Variants in ANGPT1 observed in about 807,000 individuals in gnomAD.
The protein encoded by ANGPT1 is angiopoietin-1.
ANGPT1 carries 17 observed loss-of-function variants against 62.2 expected under a neutral mutation model. The ratio of observed to expected loss-of-function variants is 0.27; its 90% CI spans 0.19 to 0.41. The LOEUF (loss-of-function observed/expected upper bound fraction) is 0.41, where lower values mean the gene tolerates loss of function less well. ANGPT1 is among the 10% of genes least tolerant of loss of function. The probability of loss-of-function intolerance (pLI) is 1.00; values close to 1 mark genes in which losing one functional copy is unlikely to be tolerated. For synonymous variants in ANGPT1, 199 were observed against 198.9 expected, an observed-to-expected ratio of 1.00 and a Z score of 0.00; for missense variants, 478 against 594.9, an observed-to-expected ratio of 0.80 and a Z score of 2.04.
At chr8:107,261,148 G>C (rs1813481161) in intron 8 of ANGPT1, among the ~76,000 whole-genome samples, 1 of 152,046 alleles carries the variant, frequency 6.6e-6, no homozygotes, top group Admixed American at 6.6e-5. Context: ...GCAGGAAACT[G>C]AAAAATCAAA....
intron 3 of ANGPT1, among the ~76,000 whole-genome samples, chr8:107,334,105 T>C (rs1189254040): frequency 6.6e-6 from 1 of 151,678 alleles, no homozygotes; most frequent in Non-Finnish European, 1.5e-5. Context: ...AAGTGGTGCA[T>C]AAGGATGGCA....
At chr8:107,265,529 G>A (rs1813592649) in intron 7 of ANGPT1, among the ~76,000 whole-genome samples, 1 of 152,156 alleles carries the variant, frequency 6.6e-6, no homozygotes, top group Non-Finnish European at 1.5e-5. Context: ...ACAGCTTGAA[G>A]CTCAAGGTGT....
chr8:107,475,244 CCA>C (rs1812485888), intron 1 of ANGPT1, among the ~76,000 whole-genome samples: 1 of 151,666 alleles, frequency 6.6e-6, no homozygotes, highest in African/African-American at 2.4e-5. Context: ...GAGATATAGG[CCA>C]ATGGAACAGA....
At chr8:107,301,719 C>G (rs560014212) in intron 5 of ANGPT1, among the ~76,000 whole-genome samples, 7 of 152,030 alleles carry the variant, frequency 4.6e-5, no homozygotes, top group South Asian at 2.1e-4. Context: ...GTGCCCACTC[C>G]ACTCCTACAT....
At position 107,423,886 on chromosome 8, in the gene ANGPT1, G is replaced by T. The variant is rs180696447; in HGVS notation, c.297+73376C>A. Among the ~76,000 whole-genome samples the T allele has an allele frequency of 4.6e-3, 630 of 138,218 alleles. 13 individuals are homozygous for T. The highest frequency in any genetic ancestry group is 0.038 in the Admixed American group (492 of 12,954). 90.7% of individuals were successfully genotyped at this position (138,218 alleles called of 152,430 possible). A position where few individuals can be genotyped will look rare whatever the true frequency, so the allele number is the denominator to read the frequency against. On this transcript the variant is annotated intron_variant, in intron 1 of 8. Transcript: ENST00000517746. ...GACAGAGTCTTGCTCTGTCACCCAG[G>T]CTGGAGTGCAGTGGCACAATGTTGG...
At chr8:107,417,212 A>T (rs1202423028) in intron 1 of ANGPT1, among the ~76,000 whole-genome samples, 1 of 152,174 alleles carries the variant, frequency 6.6e-6, no homozygotes, top group Non-Finnish European at 1.5e-5. Context: ...ATAAAAACCT[A>T]TATGTATGTG....
intron 8 of ANGPT1, among the ~76,000 whole-genome samples, chr8:107,262,564 A>G (rs919749442): frequency 9.9e-5 from 15 of 152,248 alleles, no homozygotes; most frequent in African/African-American, 3.4e-4. Flanking sequence ...CATGTGCAGA[A>G]ACACGTAATA....
intron 8 of ANGPT1, among the ~76,000 whole-genome samples, chr8:107,253,858 T>C (rs1813299565): frequency 6.6e-6 from 1 of 152,148 alleles, no homozygotes. Context: ...GGTAAATTGA[T>C]CTTGTGTAGC....
At chr8:107,487,089 C>T (rs1812833247) in intron 1 of ANGPT1, among the ~76,000 whole-genome samples, 1 of 152,094 alleles carries the variant, frequency 6.6e-6, no homozygotes, top group African/African-American at 2.4e-5. Flanking sequence ...CTATAGTCCC[C>T]CGTCCCTCAC....
chr8:107,362,863 A>G (rs1816194448), intron 1 of ANGPT1, among the ~76,000 whole-genome samples: 1 of 152,206 alleles, frequency 6.6e-6, no homozygotes. Flanking sequence ...AGGCTTACCC[A>G]GCTTGTCTAG....
chr8:107,308,230 A>G (rs1436813509), intron 4 of ANGPT1, among the ~76,000 whole-genome samples: 11 of 152,264 alleles, frequency 7.2e-5, no homozygotes, highest in African/African-American at 2.6e-4. Context: ...TATACCCATG[A>G]TTAGTAACTT....
chr8:107,438,802 A>G (rs984255447), intron 1 of ANGPT1, among the ~76,000 whole-genome samples: 2 of 152,140 alleles, frequency 1.3e-5, no homozygotes, highest in African/African-American at 4.8e-5. Flanking sequence ...TGAGCATCCA[A>G]AAATATTTTT....
chr8:107,285,607 T>TGGGGGAAGTCAA (rs1268578578), intron 6 of ANGPT1, among the ~76,000 whole-genome samples: 1 of 152,060 alleles, frequency 6.6e-6, no homozygotes, highest in African/African-American at 2.4e-5. Flanking sequence ...TTGTTCTCTT[T>TGGGGGAAGTCAA]GGGGGAAGTC....
chr8:107,367,491 A>ATAT (rs1816299610), intron 1 of ANGPT1, among the ~76,000 whole-genome samples: 2 of 152,064 alleles, frequency 1.3e-5, no homozygotes, highest in Non-Finnish European at 2.9e-5. Flanking sequence ...TAAAACAGTG[A>ATAT]AGTTATCCAT....
chr8:107,293,195 C>CAG (rs1814320734), intron 6 of ANGPT1, among the ~76,000 whole-genome samples: 1 of 103,538 alleles, frequency 9.7e-6, no homozygotes, highest in Admixed American at 1.1e-4. Flanking sequence ...AAGAGAAGAA[C>CAG]TGTGATGATG....
intron 1 of ANGPT1, among the ~76,000 whole-genome samples, chr8:107,396,743 G>C (rs925357940): frequency 6.6e-6 from 1 of 151,714 alleles, no homozygotes; most frequent in African/African-American, 2.4e-5. Flanking sequence ...GGCTGGTCTT[G>C]AACTCCTGGC....
intron 6 of ANGPT1, among the ~76,000 whole-genome samples, chr8:107,289,421 T>C (rs1418659773): frequency 1.3e-5 from 2 of 152,162 alleles, no homozygotes; most frequent in African/African-American, 4.8e-5. Context: ...TGAAGTAAAA[T>C]TGAAACCAGA....
At chr8:107,289,263 G>A (rs1396898057) in intron 6 of ANGPT1, among the ~76,000 whole-genome samples, 1 of 152,082 alleles carries the variant, frequency 6.6e-6, no homozygotes, top group Non-Finnish European at 1.5e-5. Context: ...CACATGCAAA[G>A]GAAAGATCAA....
intron 1 of ANGPT1, among the ~76,000 whole-genome samples, chr8:107,419,082 C>A (rs1021320648): frequency 6.6e-6 from 1 of 152,186 alleles, no homozygotes; most frequent in Non-Finnish European, 1.5e-5. Flanking sequence ...CGGTCATGAT[C>A]CCCCTTCAGC....
Sources: gnomAD v4.1 joint callset for allele counts (sites outside exome capture counted in the v4.1 genomes callset) on GRCh38, gnomAD v4.1.1 for gene constraint, MANE v1.5 for transcripts, NCBI Gene and HGNC (gene_info 2026-07-23, HGNC 2026-07-21) for gene names.